The following ZNF516 variants were observed in gnomAD, a reference collection of about 807,000 sequenced individuals.
ZNF516 encodes zinc finger protein 516.
A neutral mutation model predicts 79.7 loss-of-function variants in ZNF516; 19 were observed. That is an observed-to-expected ratio of 0.24 (90% CI 0.17 to 0.35). The LOEUF is 0.35. Among genes scored for constraint, ZNF516 ranks in the 10% least tolerant of loss-of-function variants. ZNF516 has a pLI of 1.00. For missense variants in ZNF516, 1,678 were observed against 1,679.5 expected (o/e 1.00, Z 0.02); for synonymous variants, 877 against 739.5 (o/e 1.19, Z -3.02).
intron 2 of ZNF516, among the ~76,000 whole-genome samples, chr18:76,457,475 G>A (rs1446461468): frequency 6.6e-6 from 1 of 152,234 alleles, no homozygotes; most frequent in African/African-American, 2.4e-5. Flanking sequence ...TTGGGAGGCT[G>A]AGGCGGAAGG....
At chr18:76,386,933 A>G (rs540620067) in intron 3 of ZNF516, 1 of 152,336 alleles carries the variant, frequency 6.6e-6, no homozygotes, top group South Asian at 2.1e-4. Flanking sequence ...CCCACAGGAA[A>G]AAACCTGCCA....
intron 3 of ZNF516, among the ~76,000 whole-genome samples, chr18:76,438,311 A>G (rs989197154): frequency 3.9e-5 from 6 of 152,346 alleles, no homozygotes; most frequent in African/African-American, 1.4e-4. Flanking sequence ...GCAAAGCAAT[A>G]TTCGTTTTTC....
intron 3 of ZNF516, among the ~76,000 whole-genome samples, chr18:76,423,028 A>G (rs1054709113): frequency 2.0e-5 from 3 of 152,030 alleles, no homozygotes; most frequent in Non-Finnish European, 4.4e-5. Flanking sequence ...TTGCATGGAG[A>G]CCCTGGGCTG....
intron 2 of ZNF516, among the ~76,000 whole-genome samples, chr18:76,455,900 G>A (rs979257606): frequency 2.6e-5 from 4 of 152,140 alleles, no homozygotes; most frequent in African/African-American, 7.2e-5. Context: ...CTTCCACCTC[G>A]ATTATCTAAA....
At chr18:76,422,271 G>A (rs1260699977) in intron 3 of ZNF516, among the ~76,000 whole-genome samples, 2 of 152,026 alleles carry the variant, frequency 1.3e-5, no homozygotes, top group African/African-American at 4.8e-5. Flanking sequence ...CCACGCAGAA[G>A]AGCCTGCGGA....
chr18:76,456,152 C>T (rs927328844), intron 2 of ZNF516, among the ~76,000 whole-genome samples: 8 of 152,224 alleles, frequency 5.3e-5, no homozygotes, highest in African/African-American at 1.9e-4. Flanking sequence ...CCCTGGCGAA[C>T]GTGAAACAAT....
intron 3 of ZNF516, among the ~76,000 whole-genome samples, chr18:76,411,575 T>G (rs960615512): frequency 6.6e-6 from 1 of 151,998 alleles, no homozygotes; most frequent in African/African-American, 2.4e-5. Context: ...ATAAAATACT[T>G]AAAAGTTACA....
intron 1 of ZNF516, 134 bp downstream of exon 1, chr18:76,495,010 C>A (rs1415648256): frequency 6.6e-6 from 1 of 150,396 alleles, no homozygotes; most frequent in Non-Finnish European, 1.5e-5. Flanking sequence ...CGGCGCACCC[C>A]CCTCCCCAGC....
intron 4 of ZNF516, among the ~76,000 whole-genome samples, chr18:76,376,633 CT>C (rs1568236648): frequency 6.6e-6 from 1 of 151,922 alleles, no homozygotes; most frequent in African/African-American, 2.4e-5. Flanking sequence ...ATTCTATCAT[CT>C]AAAATTTCAA....
intron 1 of ZNF516, among the ~76,000 whole-genome samples, chr18:76,477,681 A>G (rs1247773095): frequency 6.6e-6 from 1 of 152,080 alleles, no homozygotes; most frequent in Non-Finnish European, 1.5e-5. Context: ...CACATTCTCA[A>G]GCACTCACAA....
chr18:76,483,086 T>C (rs1914621803), intron 1 of ZNF516, among the ~76,000 whole-genome samples: 1 of 152,150 alleles, frequency 6.6e-6, no homozygotes, highest in South Asian at 2.1e-4. Flanking sequence ...TTTGCTCATG[T>C]TGAGAATGCA....
intron 4 of ZNF516, among the ~76,000 whole-genome samples, chr18:76,376,011 G>A (rs2074782410): frequency 6.6e-6 from 1 of 152,190 alleles, no homozygotes; most frequent in Admixed American, 6.5e-5. Flanking sequence ...GAGGATAGAT[G>A]GGTAGGCCCA....
At chr18:76,474,882 T>C (rs748062199) in intron 1 of ZNF516, among the ~76,000 whole-genome samples, 2 of 152,202 alleles carry the variant, frequency 1.3e-5, no homozygotes, top group Non-Finnish European at 2.9e-5. Context: ...TTAATATGGA[T>C]GAAAAATATA....
chr18:76,473,907 G>T (rs369751394), intron 1 of ZNF516, among the ~76,000 whole-genome samples: 65 of 91,232 alleles, frequency 7.1e-4, no homozygotes, highest in Middle Eastern at 6.4e-3. Context: ...TTTGTGTGGG[G>T]GGGGGGGGGG....
intron 1 of ZNF516, among the ~76,000 whole-genome samples, chr18:76,486,033 C>T (rs1479894427): frequency 6.6e-6 from 1 of 152,040 alleles, no homozygotes. Flanking sequence ...TTATTTGTGA[C>T]CCCCAGAAGT....
At chr18:76,446,170 T>G (rs765022075) in intron 2 of ZNF516, among the ~76,000 whole-genome samples, 185 of 152,004 alleles carry the variant, frequency 1.2e-3, no homozygotes, top group Admixed American at 3.2e-3. Flanking sequence ...AGAGAAACAA[T>G]AAGAAGAAGC....
chr18:76,475,684 A>G (rs1257339237), intron 1 of ZNF516, among the ~76,000 whole-genome samples: 2 of 152,192 alleles, frequency 1.3e-5, no homozygotes, highest in Admixed American at 1.3e-4. Flanking sequence ...AATCTGTGCC[A>G]GTGGGTCCAT....
chr18:76,462,924 C>T (rs900892496), intron 2 of ZNF516, 104 bp downstream of exon 2: 3 of 152,198 alleles, frequency 2.0e-5, no homozygotes, highest in Admixed American at 1.3e-4. Flanking sequence ...AAAAGCGACC[C>T]TACACCATAA....
At chr18:76,368,558 C>T (rs1026118457) in intron 6 of ZNF516, among the ~76,000 whole-genome samples, 3 of 151,756 alleles carry the variant, frequency 2.0e-5, no homozygotes, top group Admixed American at 6.6e-5. Context: ...ACAGTTAATA[C>T]ACAGGCTAAG....
Sources: gnomAD v4.1 joint callset for allele counts (sites outside exome capture counted in the v4.1 genomes callset) on GRCh38, gnomAD v4.1.1 for gene constraint, MANE v1.5 for transcripts, NCBI Gene and HGNC (gene_info 2026-07-23, HGNC 2026-07-21) for gene names.